The following WDR47 variants were observed in gnomAD, a reference collection of about 807,000 sequenced individuals.
The protein encoded by WDR47 is WD repeat domain 47.
A neutral mutation model predicts 97.2 loss-of-function variants in WDR47; 32 were observed. That is an observed-to-expected ratio of 0.33 (90% CI 0.25 to 0.44). The LOEUF is 0.44. Among genes scored for constraint, WDR47 ranks in the 20% least tolerant of loss-of-function variants. The probability of loss-of-function intolerance (pLI) is 1.00; values close to 1 mark genes in which losing one functional copy is unlikely to be tolerated. For missense variants in WDR47, 782 were observed against 1,102.3 expected, an observed-to-expected ratio of 0.71 and a Z score of 4.11; for synonymous variants, 375 against 373.5, an observed-to-expected ratio of 1.00 and a Z score of -0.05.
At chr1:109,000,257 T>C (rs1363154847) in intron 7 of WDR47, among the ~76,000 whole-genome samples, 1 of 151,966 alleles carries the variant, frequency 6.6e-6, no homozygotes, top group East Asian at 1.9e-4. Flanking sequence ...ACACCTGTAA[T>C]CCCAGCACTT....
intron 1 of WDR47, among the ~76,000 whole-genome samples, chr1:109,025,512 G>A (rs1662150209): frequency 1.3e-5 from 2 of 150,826 alleles, no homozygotes; most frequent in Admixed American, 1.3e-4. Flanking sequence ...GAGACGGGTG[G>A]ATTATGAGAT....
At chr1:109,026,533 G>A (rs1362218501) in intron 1 of WDR47, among the ~76,000 whole-genome samples, 2 of 152,022 alleles carry the variant, frequency 1.3e-5, no homozygotes, top group Non-Finnish European at 2.9e-5. Flanking sequence ...TAGGCAGTGT[G>A]CCCAGAGTAG....
intron 1 of WDR47, among the ~76,000 whole-genome samples, chr1:109,036,819 G>C (rs139229073): frequency 5.8e-4 from 89 of 152,206 alleles, no homozygotes; most frequent in African/African-American, 1.7e-3. Flanking sequence ...TGGGGCGACA[G>C]AGTGAGACTC....
At chr1:108,976,409 T>G (rs887675202) in intron 13 of WDR47, among the ~76,000 whole-genome samples, 1 of 151,036 alleles carries the variant, frequency 6.6e-6, no homozygotes, top group African/African-American at 2.4e-5. Flanking sequence ...GAAGAATAAC[T>G]GATTTAGAGG....
intron 5 of WDR47, among the ~76,000 whole-genome samples, chr1:109,008,533 G>C (rs914406332): frequency 6.6e-6 from 1 of 152,036 alleles, no homozygotes; most frequent in Non-Finnish European, 1.5e-5. Context: ...AAAGTGCTGG[G>C]ATTACAGGCT....
At chr1:109,019,433 A>C (rs1395942289) in intron 2 of WDR47, among the ~76,000 whole-genome samples, 1 of 151,154 alleles carries the variant, frequency 6.6e-6, no homozygotes, top group African/African-American at 2.4e-5. Flanking sequence ...CTGTAATCCC[A>C]ACATGTTAGG....
At chr1:109,012,575 A>AAG (rs2101950080) in intron 4 of WDR47, among the ~76,000 whole-genome samples, 2 of 150,838 alleles carry the variant, frequency 1.3e-5, no homozygotes, top group East Asian at 3.9e-4. Context: ...TCCATCTCAA[A>AAG]AAAAAAAAAA....
At chr1:109,033,255 A>G (rs1004078555) in intron 1 of WDR47, among the ~76,000 whole-genome samples, 14 of 152,136 alleles carry the variant, frequency 9.2e-5, no homozygotes, top group African/African-American at 3.4e-4. Context: ...AGATCACGCC[A>G]CTACACTCCA....
rs139946613 is a variant in WDR47, at chr1:108,991,100, A to G, written c.1767+154T>C. ...CGATTCTAGTACTCTACAATCTCAA[A>G]CTTCTGGGCTCAAGACATTCTTCTG... On this transcript the variant is annotated intron_variant, in intron 9 of 14. Coordinates refer to ENST00000369962, the MANE Select transcript of WDR47 (RefSeq NM_001142551.2). Among the ~76,000 whole-genome samples, 319 of 152,030 alleles carry G rather than the reference A, an allele frequency of 2.1e-3. 2 individuals carry two copies. The highest frequency in any genetic ancestry group is 7.3e-3 in the African/African-American group (303 of 41,468).
intron 2 of WDR47, among the ~76,000 whole-genome samples, chr1:109,021,512 A>G (rs1014877086): frequency 7.2e-6 from 1 of 137,980 alleles, no homozygotes; most frequent in Non-Finnish European, 1.5e-5. Flanking sequence ...TAGGTGACAA[A>G]GCAAGCCTCT....
intron 4 of WDR47, among the ~76,000 whole-genome samples, chr1:109,012,078 G>C (rs929557464): frequency 6.6e-6 from 1 of 152,052 alleles, no homozygotes; most frequent in Non-Finnish European, 1.5e-5. Flanking sequence ...CTCTAAAGTA[G>C]CTGGGACCAC....
chr1:108,997,043 G>A lies in WDR47; in HGVS notation c.1434-1206C>T, dbSNP rs2101883773. On this transcript the variant is annotated intron_variant, in intron 7 of 14. Transcript: ENST00000369962. ...AAGCAGGAGAATCACTTGAACCTGG[G>A]AAGCGGAGGCTGCAGTGAGCCAAGA... Among the ~76,000 whole-genome samples, 3 of 151,880 alleles carry A rather than the reference G, an allele frequency of 2.0e-5. 1 individual carries two copies. Among genetic ancestry groups the A allele is most frequent in the Middle Eastern group, 6.8e-3 (2 of 294 alleles).
chr1:109,019,837 T>C (rs899260583), intron 2 of WDR47, among the ~76,000 whole-genome samples: 2 of 152,234 alleles, frequency 1.3e-5, no homozygotes, highest in Non-Finnish European at 2.9e-5. Flanking sequence ...ACATCTTTTC[T>C]TACACAACGG....
chr1:108,996,844 G>A (rs1443192321), intron 7 of WDR47, among the ~76,000 whole-genome samples: 3 of 152,198 alleles, frequency 2.0e-5, no homozygotes, highest in African/African-American at 4.8e-5. Flanking sequence ...TGGGCCAGGT[G>A]CGGTGACTCA....
intron 2 of WDR47, among the ~76,000 whole-genome samples, chr1:109,022,494 G>A (rs772328267): frequency 1.3e-5 from 2 of 152,130 alleles, no homozygotes; most frequent in African/African-American, 2.4e-5. Context: ...CAACCACAAT[G>A]GAGTGATGAC....
At chr1:109,035,720 T>C (rs1662899166) in intron 1 of WDR47, among the ~76,000 whole-genome samples, 1 of 151,928 alleles carries the variant, frequency 6.6e-6, no homozygotes, top group Non-Finnish European at 1.5e-5. Flanking sequence ...AGTCTCGAAC[T>C]CCCGACCTCA....
chr1:109,039,674 A>C (rs1421104409), intron 1 of WDR47, among the ~76,000 whole-genome samples: 1 of 151,694 alleles, frequency 6.6e-6, no homozygotes, highest in Non-Finnish European at 1.5e-5. Flanking sequence ...CTCAAAACTG[A>C]AGTATCCTCA....
intron 1 of WDR47, among the ~76,000 whole-genome samples, chr1:109,028,368 T>TTTTTTG (rs1662368569): frequency 7.6e-6 from 1 of 132,388 alleles, no homozygotes; most frequent in African/African-American, 2.8e-5. Context: ...TTGGGTTTTT[T>TTTTTTG]TTTTTTTTTT....
At chr1:109,009,070 C>T (rs984148709) in intron 5 of WDR47, among the ~76,000 whole-genome samples, 4 of 151,590 alleles carry the variant, frequency 2.6e-5, no homozygotes, top group Non-Finnish European at 4.4e-5. Context: ...GGTGACAGAG[C>T]GGGACTCCAT....
Sources: gnomAD v4.1 joint callset for allele counts (sites outside exome capture counted in the v4.1 genomes callset) on GRCh38, gnomAD v4.1.1 for gene constraint, MANE v1.5 for transcripts, NCBI Gene and HGNC (gene_info 2026-07-23, HGNC 2026-07-21) for gene names.